The following TMEM40 variants were observed in gnomAD, a reference collection of about 807,000 sequenced individuals.
TMEM40 encodes the protein transmembrane protein 40.
A neutral mutation model predicts 40.8 loss-of-function variants in TMEM40; 34 were observed. That is an observed-to-expected ratio of 0.83 (90% CI 0.63 to 1.11). The LOEUF (loss-of-function observed/expected upper bound fraction) is 1.11, where lower values mean the gene tolerates loss of function less well. TMEM40 is among the 50% of genes least tolerant of loss of function. TMEM40 has a pLI of 0.00. For missense variants in TMEM40, 296 were observed against 280.2 expected (o/e 1.06, Z -0.40); for synonymous variants, 106 against 107.0 (o/e 0.99, Z 0.06).
intron 11 of TMEM40, 85 bp from the exon 12 acceptor site, chr3:12,734,878 C>T: frequency 6.7e-7 from 1 of 1,490,296 alleles, no homozygotes; most frequent in Non-Finnish European, 9.1e-7. Flanking sequence ...GCCCAAGTAC[C>T]CCTCACAGCT....
chr3:12,744,917 C>G (rs2061415014), intron 3 of TMEM40, among the ~76,000 whole-genome samples: 1 of 152,126 alleles, frequency 6.6e-6, no homozygotes, highest in Non-Finnish European at 1.5e-5. Flanking sequence ...TGGTGTTTAT[C>G]TCAGGAGAGA....
At position 12,749,815 on chromosome 3, in the gene TMEM40, G is replaced by C; in HGVS notation, c.18C>G (p.Ser6=). 1 of 1,613,994 alleles carries C rather than the reference G, an allele frequency of 6.2e-7. No individual in the cohort carries two copies. Among genetic ancestry groups the C allele is most frequent in the Non-Finnish European group, 8.5e-7 (1 of 1,180,004 alleles). METSA[S]SSQPQDNSQV... is the part of the protein sequence containing the mutation. Reference sequence around the variant, plus strand: ...GACTGTTGTCCTGAGGCTGGGAGGAGGATGCTGAAGTCTCCATGGCTTTTC... The same window carrying C: ...GACTGTTGTCCTGAGGCTGGGAGGACGATGCTGAAGTCTCCATGGCTTTTC... The change falls in exon 2 of 12, where the codon TCC becomes TCG. Residue 6 remains serine, a synonymous_variant. Transcript: ENST00000314124.
intron 1 of TMEM40, among the ~76,000 whole-genome samples, chr3:12,751,280 T>A (rs553815827): frequency 0.06 from 4,882 of 81,666 alleles, 297 homozygotes; most frequent in African/African-American, 0.34. Flanking sequence ...CCATTACCCG[T>A]TTTTTTTTTC....
intron 1 of TMEM40, among the ~76,000 whole-genome samples, chr3:12,764,883 T>C (rs1369957352): frequency 6.6e-6 from 1 of 152,172 alleles, no homozygotes; most frequent in Middle Eastern, 3.2e-3. Context: ...GTTTTTTGTT[T>C]TTTTTTGAGA....
chr3:12,734,709 T>C lies in TMEM40; in HGVS notation c.*65A>G. The C allele has an allele frequency of 6.4e-7, 1 of 1,551,680 alleles. No homozygotes were observed. The highest frequency in any genetic ancestry group is 8.7e-7 in the Non-Finnish European group (1 of 1,146,610). ...CTCTCAGAATGCTGCTCTGCCCTTG[T>C]GGGCTCAGGGGTCGCAGTGGTGGTC... On this transcript the variant is annotated 3_prime_UTR_variant, in exon 12 of 12. Coordinates refer to ENST00000314124, the MANE Select transcript of TMEM40 (RefSeq NM_018306.4).
chr3:12,751,668 G>A (rs541631512), intron 1 of TMEM40, among the ~76,000 whole-genome samples: 16 of 152,234 alleles, frequency 1.1e-4, no homozygotes, highest in East Asian at 7.7e-4. Context: ...CATCGATATC[G>A]AGATGGAATG....
At chr3:12,755,229 C>CACTTTCTTTCTT (rs2061514645) in intron 1 of TMEM40, among the ~76,000 whole-genome samples, 3 of 65,504 alleles carry the variant, frequency 4.6e-5, no homozygotes, top group African/African-American at 1.9e-4. Context: ...CTCTCTCTCT[C>CACTTTCTTTCTT]TCTCTCTTTC....
At chr3:12,753,045 A>G (rs912440092) in intron 1 of TMEM40, among the ~76,000 whole-genome samples, 3 of 152,050 alleles carry the variant, frequency 2.0e-5, no homozygotes, top group African/African-American at 7.2e-5. Context: ...AATTGTTCCC[A>G]TAGCCAAGGG....
intron 5 of TMEM40, 51 bp from the exon 6 acceptor site, chr3:12,738,639 G>A (rs984797671): frequency 6.3e-7 from 1 of 1,587,194 alleles, no homozygotes; most frequent in Non-Finnish European, 8.6e-7. Flanking sequence ...TCTGGGGGGG[G>A]AGAAGTCATG....
intron 1 of TMEM40, among the ~76,000 whole-genome samples, chr3:12,755,199 C>A (rs577082793): frequency 1.2e-5 from 1 of 80,704 alleles, no homozygotes; most frequent in South Asian, 3.5e-4. Context: ...TCCTTCCTTC[C>A]TTTCTTTCTT....
intron 1 of TMEM40, among the ~76,000 whole-genome samples, chr3:12,765,804 C>T (rs928630191): frequency 2.0e-5 from 3 of 152,016 alleles, no homozygotes; most frequent in Non-Finnish European, 2.9e-5. Flanking sequence ...CTCCTGACCT[C>T]GTCATCTGCC....
In TMEM40 at chr3:12,755,213, TTC is replaced by T. The variant is rs754041538; in HGVS notation, c.-9+3976_-9+3977del. 1.0e-2 allele frequency among the ~76,000 whole-genome samples: 941 copies of T among 94,224 alleles called. 22 individuals carry two copies. The highest frequency in any genetic ancestry group is 0.017 in the South Asian group (50 of 3,030). 61.8% of individuals were successfully genotyped at this position (94,224 alleles called of 152,430 possible). ...TTCCTTCCTTCCTTTCTTTCTTTCTTTCTCTCTCTCTCTCTCTCTCTCTTTCT... is the reference window on the plus strand; with the variant it reads ...TTCCTTCCTTCCTTTCTTTCTTTCTTTCTCTCTCTCTCTCTCTCTCTTTCT... On this transcript the variant is annotated intron_variant, in intron 1 of 11. Coordinates refer to ENST00000314124, the MANE Select transcript of TMEM40 (RefSeq NM_018306.4).
chr3:12,737,706 C>A lies in TMEM40; in HGVS notation c.472+1G>T, dbSNP rs1396364394. ...CAGCTCTGCTACACCAAGTTCCTTA[C>A]CATCTTTCTTTATATTCAGTCTTCT... On this transcript the variant is annotated splice_donor_variant, in intron 8 of 11. Transcript: ENST00000314124. LOFTEE classifies it high-confidence loss of function. The A allele has an allele frequency of 6.2e-7, 1 of 1,614,012 alleles. No individual in the cohort carries two copies. Among genetic ancestry groups the A allele is most frequent in the Non-Finnish European group, 8.5e-7 (1 of 1,179,918 alleles).
chr3:12,755,050 CCTTT>C (rs1253068710), intron 1 of TMEM40, among the ~76,000 whole-genome samples: 1 of 132,912 alleles, frequency 7.5e-6, no homozygotes, highest in Admixed American at 8.3e-5. Flanking sequence ...TTTCTTTCTT[CCTTT>C]CCTTCCTTCT....
chr3:12,755,233 C>CTCTTTTTCTTTCTTTCTT (rs2061516295), intron 1 of TMEM40, among the ~76,000 whole-genome samples: 1 of 59,886 alleles, frequency 1.7e-5, no homozygotes, highest in Non-Finnish European at 3.3e-5. Context: ...CTCTCTCTCT[C>CTCTTTTTCTTTCTTTCTT]TCTTTCTTTC....
intron 1 of TMEM40, among the ~76,000 whole-genome samples, chr3:12,752,522 G>C (rs1243102369): frequency 1.3e-5 from 2 of 152,178 alleles, no homozygotes; most frequent in African/African-American, 4.8e-5. Flanking sequence ...GGACCGGCCG[G>C]GCGCGGTGGT....
At chr3:12,768,897 C>T (rs1206414256) in intron 1 of TMEM40, among the ~76,000 whole-genome samples, 16 of 37,726 alleles carry the variant, frequency 4.2e-4, no homozygotes, top group Admixed American at 2.7e-3. Context: ...CGGGGCGGGG[C>T]GGGGCAGGGC....
At chr3:12,758,602 C>G (rs2061546930) in intron 1 of TMEM40, among the ~76,000 whole-genome samples, 1 of 152,180 alleles carries the variant, frequency 6.6e-6, no homozygotes, top group African/African-American at 2.4e-5. Flanking sequence ...GCCCAGCTCT[C>G]TGGCATATCC....
intron 1 of TMEM40, chr3:12,769,244 T>A: frequency 2.4e-6 from 1 of 417,028 alleles, no homozygotes; most frequent in South Asian, 1.6e-5. Context: ...TGCCTTTCTC[T>A]CCATACCTCC....
Sources: allele counts gnomAD v4.1 joint callset (sites outside exome capture counted in the v4.1 genomes callset), GRCh38; gene constraint gnomAD v4.1.1; transcripts MANE v1.5; gene names NCBI Gene and HGNC (gene_info 2026-07-23, HGNC 2026-07-21).